The following ELL2 variants were observed in gnomAD, a reference collection of about 807,000 sequenced individuals.
ELL2 encodes elongation factor for RNA polymerase II 2.
A neutral mutation model predicts 72.8 loss-of-function variants in ELL2; 21 were observed. That is an observed-to-expected ratio of 0.29 (90% CI 0.20 to 0.42). The LOEUF is 0.42. ELL2 is among the 10% of genes least tolerant of loss of function. The pLI is 1.00. For missense variants in ELL2, 568 were observed against 772.8 expected (o/e 0.73, Z 3.14); for synonymous variants, 266 against 283.2 (o/e 0.94, Z 0.61).
At chr5:95,958,179 C>G (rs1397895978) in intron 1 of ELL2, among the ~76,000 whole-genome samples, 1 of 152,072 alleles carries the variant, frequency 6.6e-6, no homozygotes, top group Non-Finnish European at 1.5e-5. Context: ...AAACCATTTT[C>G]CCCCCAGAGA....
chr5:95,900,946 A>C lies in ELL2; in HGVS notation c.866+10T>G, dbSNP rs755558883. The C allele has an allele frequency of 6.3e-7, 1 of 1,579,472 alleles. No homozygotes were observed. The highest frequency in any genetic ancestry group is 8.5e-7 in the Non-Finnish European group (1 of 1,171,444). ...AACATTTTTTTAAAAGCAAGAAAAA[A>C]AGAATTCACCTAGAGAGCACTGACT... On this transcript the variant is annotated intron_variant, in intron 6 of 11. Coordinates refer to ENST00000237853, the MANE Select transcript of ELL2 (RefSeq NM_012081.6).
Position 95,913,995 on chromosome 5 carries a change from C to T in ELL2, c.318-61G>A, listed in dbSNP as rs1465621737. ...CTTCATTTTGTACAATAAAGGCAAA[C>T]AAGAATTATATAATCCTAAAATCAG... On this transcript the variant is annotated intron_variant, in intron 3 of 11. Transcript: ENST00000237853. The T allele has an allele frequency of 5.5e-6, 8 of 1,444,716 alleles. No individual in the cohort carries two copies. The African/African-American group carries it at 7.3e-5, about 13-fold the overall frequency. 89.5% of individuals were successfully genotyped at this position (1,444,716 alleles called of 1,614,324 possible).
At chr5:95,919,873 G>A (rs183018515) in intron 2 of ELL2, among the ~76,000 whole-genome samples, 319 of 152,240 alleles carry the variant, frequency 2.1e-3, no homozygotes, top group Non-Finnish European at 3.4e-3. Flanking sequence ...TAGTGAATTT[G>A]TAAAAAGCTC....
intron 1 of ELL2, among the ~76,000 whole-genome samples, chr5:95,959,576 C>G (rs1248921028): frequency 6.6e-6 from 1 of 152,228 alleles, no homozygotes; most frequent in East Asian, 1.9e-4. Context: ...CCTCCCACTC[C>G]GTCTGATGCT....
intron 2 of ELL2, among the ~76,000 whole-genome samples, chr5:95,933,124 T>A (rs1226390828): frequency 6.6e-6 from 1 of 152,166 alleles, no homozygotes; most frequent in Non-Finnish European, 1.5e-5. Context: ...AAAACATGTA[T>A]CCAATATTGG....
intron 8 of ELL2, among the ~76,000 whole-genome samples, chr5:95,897,139 T>A (rs1748906251): frequency 1.3e-5 from 2 of 152,214 alleles, no homozygotes; most frequent in African/African-American, 4.8e-5. Flanking sequence ...AAAGCACATA[T>A]CATATCATAT....
rs1050883604 is a variant in ELL2, at chr5:95,946,144, G to A, written c.148-3095C>T. 2.0e-5 allele frequency among the ~76,000 whole-genome samples: 3 copies of A among 152,210 alleles called. No individual in the cohort carries two copies. The East Asian group carries it at 5.8e-4, about 29-fold the overall frequency. On this transcript the variant is annotated intron_variant, in intron 1 of 11. Coordinates refer to ENST00000237853, the MANE Select transcript of ELL2 (RefSeq NM_012081.6). ...TTCAGTTATGTGTAAAATAGATGGA[G>A]AGAGATGGATCAGGGCAGGGCAGGG...
intron 1 of ELL2, among the ~76,000 whole-genome samples, chr5:95,945,986 T>C (rs1412058636): frequency 6.6e-6 from 1 of 152,224 alleles, no homozygotes; most frequent in Non-Finnish European, 1.5e-5. Context: ...GAAATAATCC[T>C]GCCCTAATCC....
chr5:95,948,012 T>C (rs1286249642), intron 1 of ELL2, among the ~76,000 whole-genome samples: 1 of 152,198 alleles, frequency 6.6e-6, no homozygotes, highest in East Asian at 1.9e-4. Context: ...AGCTCATTGT[T>C]ACTCAGAAAT....
rs79407482 is a variant in ELL2 at position 95,927,150 on chromosome 5, T to C, written c.196-7605A>G. Among the ~76,000 whole-genome samples the C allele has an allele frequency of 2.8e-3, 424 of 152,018 alleles. 2 individuals are homozygous for C. Among genetic ancestry groups the C allele is most frequent in the Middle Eastern group, 0.01 (3 of 294 alleles). On this transcript the variant is annotated intron_variant, in intron 2 of 11. Transcript: ENST00000237853. The stretch of plus-strand genomic sequence containing the variant: ...ATAAAACTGACAAAGATTCCTGCCA[T>C]TGTGGCACATATGTATGAAAGTCCA...
chr5:95,900,994 A>C lies in ELL2; in HGVS notation c.828T>G (p.Ser276Arg), dbSNP rs1420934600. Residue 276 changes from serine to arginine, a missense_variant, in exon 6 of 12, where the codon AGT becomes AGG. By Grantham distance (110) the Ser-to-Arg change is moderately radical. Coordinates refer to ENST00000237853, the MANE Select transcript of ELL2 (RefSeq NM_012081.6). ...KELQRDWPGY[S>R]EIDRRSLESV... ...ACTCCAATGACCGTCTGTCTATTTC[A>C]CTGTATCCAGGCCAGTCTCTTTGAA... 2 of 1,613,200 alleles carry C rather than the reference A, an allele frequency of 1.2e-6. No homozygotes were observed. The highest frequency in any genetic ancestry group is 3.3e-5 in the Admixed American group (2 of 59,774).
chr5:95,918,134 A>T (rs564365656), intron 3 of ELL2, among the ~76,000 whole-genome samples: 1 of 152,356 alleles, frequency 6.6e-6, no homozygotes, highest in East Asian at 1.9e-4. Flanking sequence ...TCTATAATCT[A>T]TCATAGTGCT....
At chr5:95,901,271 C>T (rs949529710) in intron 5 of ELL2, 191 bp from the exon 6 acceptor site, 19 of 477,136 alleles carry the variant, frequency 4.0e-5, no homozygotes, top group Middle Eastern at 5.8e-4. Context: ...GCTTTATATA[C>T]ACAGCTAAAT....
intron 5 of ELL2, 197 bp from the exon 6 acceptor site, chr5:95,901,277 T>C: frequency 2.2e-6 from 1 of 450,174 alleles, no homozygotes; most frequent in Non-Finnish European, 3.8e-6. Flanking sequence ...TATACACAGC[T>C]AAATGTTTTT....
At chr5:95,915,379 C>T (rs879768655) in intron 3 of ELL2, among the ~76,000 whole-genome samples, 17 of 152,222 alleles carry the variant, frequency 1.1e-4, no homozygotes, top group African/African-American at 2.4e-4. Context: ...GGATTACAGG[C>T]GTGAGCCACC....
chr5:95,900,577 G>T, intron 7 of ELL2, 116 bp downstream of exon 7: 1 of 741,094 alleles, frequency 1.3e-6, no homozygotes, highest in Non-Finnish European at 2.1e-6. Context: ...GATGGCTTTG[G>T]GCAGGCAAGC....
intron 8 of ELL2, among the ~76,000 whole-genome samples, chr5:95,896,873 T>G (rs928685660): frequency 1.4e-4 from 21 of 152,022 alleles, no homozygotes; most frequent in African/African-American, 5.1e-4. Flanking sequence ...TGAAATCCAG[T>G]TTTCCTGTCT....
In ELL2 at chr5:95,901,032, CAT is replaced by C. The variant is rs1172663059; in HGVS notation, c.788_789del (p.Tyr263CysfsTer3). The C allele has an allele frequency of 6.2e-7, 1 of 1,613,496 alleles. No individual in the cohort carries two copies. The highest frequency in any genetic ancestry group is 8.5e-7 in the Non-Finnish European group (1 of 1,179,862). The part of the protein sequence containing the change: ...SKDLSYTLKD[Y>X]VFKELQRDWP... ...CAGTCTCTTTGAAGCTCTTTAAAAACATAATCCTTTAAGGTATATGAGAGGTC... is the reference window on the plus strand; with the variant it reads ...CAGTCTCTTTGAAGCTCTTTAAAAACAATCCTTTAAGGTATATGAGAGGTC... On this transcript the variant is annotated frameshift_variant, in exon 6 of 12. Coordinates refer to ENST00000237853, the MANE Select transcript of ELL2 (RefSeq NM_012081.6). LOFTEE classifies it high-confidence loss of function.
intron 1 of ELL2, among the ~76,000 whole-genome samples, chr5:95,952,759 G>C (rs927748715): frequency 1.3e-5 from 2 of 152,188 alleles, no homozygotes; most frequent in African/African-American, 4.8e-5. Context: ...GATAGATCTG[G>C]AGATAAATAT....
Sources: allele counts gnomAD v4.1 joint callset (sites outside exome capture counted in the v4.1 genomes callset), GRCh38; gene constraint gnomAD v4.1.1; transcripts MANE v1.5; gene names NCBI Gene and HGNC (gene_info 2026-07-23, HGNC 2026-07-21).